The following NOL10 variants were observed in gnomAD, a reference collection of about 807,000 sequenced individuals.
The protein encoded by NOL10 is H_NH0074G24.1.
A neutral mutation model predicts 103.5 loss-of-function variants in NOL10; 58 were observed. That is an observed-to-expected ratio of 0.56 (90% confidence interval 0.45 to 0.70). The LOEUF is 0.70. NOL10 is among the 30% of genes least tolerant of loss of function. The pLI, the probability that NOL10 is intolerant of heterozygous loss-of-function variation, is 0.00. For synonymous variants in NOL10, 287 were observed against 282.5 expected, an observed-to-expected ratio of 1.02 and a Z score of -0.16; for missense variants, 763 against 807.3, an observed-to-expected ratio of 0.95 and a Z score of 0.67.
Position 10,682,019 on chromosome 2 carries a change from A to G in NOL10, c.163T>C (p.Cys55Arg). ...TCTTTTGACACCTTAATAGTGGTAC[A>G]CACAGTAGGCATTTCAAAGTCCTGA... ...LIQDFEMPTV[C>R]TTIKVSKDGQ... The change falls in exon 3 of 21, where the codon TGT (cysteine) becomes CGT (arginine). Residue 55 changes from cysteine (C) to arginine (R), a missense_variant. Coordinates refer to ENST00000381685, the MANE Select transcript of NOL10 (RefSeq NM_024894.4). 3.2e-6 allele frequency: 5 copies of G among 1,540,770 alleles called. No individual in the cohort carries two copies. The highest frequency in any genetic ancestry group is 4.4e-6 in the Non-Finnish European group (5 of 1,142,258).
At position 10,637,863 on chromosome 2, in the gene NOL10, C is replaced by T. The variant is rs117078854; in HGVS notation, c.1026+6457G>A. Among the ~76,000 whole-genome samples, 80 of 151,892 alleles carry T rather than the reference C, an allele frequency of 5.3e-4. 2 individuals carry two copies. In the East Asian group the frequency reaches 0.014, roughly 26 times the overall value. ...TTTTTAACCGCCTCATTTGCAGGCT[C>T]CAAGAGTACTTTCCAAATTTTAAAT... On this transcript the variant is annotated intron_variant, in intron 13 of 20. Coordinates refer to ENST00000381685, the MANE Select transcript of NOL10 (RefSeq NM_024894.4).
chr2:10,685,805 G>C (rs996496050), intron 1 of NOL10, among the ~76,000 whole-genome samples: 4 of 151,908 alleles, frequency 2.6e-5, no homozygotes, highest in African/African-American at 9.7e-5. Flanking sequence ...CAAGTGCAGT[G>C]GTTCATATCT....
At chr2:10,636,420 C>CAAAAAAAAAA (rs70953327) in intron 13 of NOL10, among the ~76,000 whole-genome samples, 8 of 54,700 alleles carry the variant, frequency 1.5e-4, no homozygotes, top group African/African-American at 2.3e-4. Flanking sequence ...TACAAAAAAC[C>CAAAAAAAAAA]AAAAAAAAAA....
At chr2:10,602,165 G>A (rs76923771) in intron 16 of NOL10, among the ~76,000 whole-genome samples, 30,817 of 152,204 alleles carry the variant, frequency 0.2, 4,110 homozygotes, top group Non-Finnish European at 0.3. Context: ...CCCTGGAACC[G>A]GCCTGTGGCC....
At chr2:10,579,903 T>A (rs1442131326) in intron 19 of NOL10, among the ~76,000 whole-genome samples, 7 of 152,184 alleles carry the variant, frequency 4.6e-5, no homozygotes, top group Non-Finnish European at 1.0e-4. Flanking sequence ...CAATTATTAC[T>A]CTGTTAAGAA....
chr2:10,637,961 T>C (rs777538432), intron 13 of NOL10, among the ~76,000 whole-genome samples: 1 of 152,120 alleles, frequency 6.6e-6, no homozygotes. Context: ...AGAAATAATA[T>C]AGGAGTTTCT....
chr2:10,595,091 A>C (rs1481444533), intron 17 of NOL10, among the ~76,000 whole-genome samples: 1 of 148,472 alleles, frequency 6.7e-6, no homozygotes, highest in African/African-American at 2.5e-5. Flanking sequence ...AATGCCTAAC[A>C]CTAAAAAGTT....
chr2:10,667,917 C>G (rs934617202), intron 7 of NOL10, among the ~76,000 whole-genome samples: 1 of 151,934 alleles, frequency 6.6e-6, no homozygotes, highest in African/African-American at 2.4e-5. Context: ...ACATGTTCAC[C>G]TAACCTTTAA....
intron 13 of NOL10, among the ~76,000 whole-genome samples, chr2:10,628,803 TCAAA>T (rs1677650719): frequency 6.6e-6 from 1 of 152,210 alleles, no homozygotes; most frequent in African/African-American, 2.4e-5. Flanking sequence ...GCAAACTTTT[TCAAA>T]CAGTCTTCCT....
At chr2:10,589,854 G>T in intron 17 of NOL10, 103 bp from the exon 18 acceptor site, 1 of 670,904 alleles carries the variant, frequency 1.5e-6, no homozygotes, top group Non-Finnish European at 2.3e-6. Flanking sequence ...GTTAATAAGC[G>T]GCATGAGGCA....
chr2:10,660,632 T>C (rs917131218), intron 9 of NOL10, among the ~76,000 whole-genome samples: 11 of 152,148 alleles, frequency 7.2e-5, no homozygotes, highest in African/African-American at 2.7e-4. Context: ...TATGTTCTTA[T>C]CGAGTTTTAC....
At chr2:10,590,645 G>C (rs1428597928) in intron 17 of NOL10, among the ~76,000 whole-genome samples, 1 of 152,132 alleles carries the variant, frequency 6.6e-6, no homozygotes, top group East Asian at 1.9e-4. Context: ...TGTTGTCAAA[G>C]GATATTGTGT....
chr2:10,634,024 C>T (rs544513291), intron 13 of NOL10, among the ~76,000 whole-genome samples: 1 of 152,134 alleles, frequency 6.6e-6, no homozygotes, highest in East Asian at 1.9e-4. Flanking sequence ...AATGGGGTCT[C>T]ACTATGTTGC....
At chr2:10,581,920 A>G (rs1451031802) in intron 19 of NOL10, among the ~76,000 whole-genome samples, 1 of 152,228 alleles carries the variant, frequency 6.6e-6, no homozygotes, top group Non-Finnish European at 1.5e-5. Context: ...TGCATTTTTT[A>G]AAAGAGAGAA....
intron 14 of NOL10, among the ~76,000 whole-genome samples, chr2:10,604,021 G>A (rs562383800): frequency 1.3e-5 from 2 of 152,182 alleles, no homozygotes; most frequent in Non-Finnish European, 2.9e-5. Context: ...GTTTCAGGAC[G>A]AAACTATTCC....
intron 1 of NOL10, among the ~76,000 whole-genome samples, chr2:10,686,855 G>A (rs1000489767): frequency 9.4e-5 from 13 of 139,010 alleles, no homozygotes; most frequent in Non-Finnish European, 1.7e-4. Flanking sequence ...GGAAATGTGG[G>A]GGGAAAGCTG....
At chr2:10,635,531 G>C (rs1298375432) in intron 13 of NOL10, among the ~76,000 whole-genome samples, 1 of 152,068 alleles carries the variant, frequency 6.6e-6, no homozygotes, top group African/African-American at 2.4e-5. Context: ...AGAAGAAGGG[G>C]GCTGATAAAA....
intron 19 of NOL10, among the ~76,000 whole-genome samples, chr2:10,580,384 C>A (rs2148145774): frequency 6.6e-6 from 1 of 151,862 alleles, no homozygotes; most frequent in Admixed American, 6.6e-5. Context: ...CCTGCCCCGC[C>A]CCTGCTTCTT....
chr2:10,663,712 G>A (rs879885538), intron 8 of NOL10, among the ~76,000 whole-genome samples: 2 of 152,076 alleles, frequency 1.3e-5, no homozygotes, highest in Admixed American at 1.3e-4. Flanking sequence ...CACTTTGGGA[G>A]GCCAAGATGG....
Sources: gnomAD v4.1 joint callset for allele counts (sites outside exome capture counted in the v4.1 genomes callset) on GRCh38, gnomAD v4.1.1 for gene constraint, MANE v1.5 for transcripts, NCBI Gene and HGNC (gene_info 2026-07-23, HGNC 2026-07-21) for gene names.